The following CMTM8 variants were observed in gnomAD, a reference collection of about 807,000 sequenced individuals.
The protein encoded by CMTM8 is CKLF-like MARVEL transmembrane domain-containing protein 8.
A neutral mutation model predicts 18.6 loss-of-function variants in CMTM8; 12 were observed. The ratio of observed to expected loss-of-function variants is 0.65; its 90% CI spans 0.41 to 1.05. CMTM8 has a LOEUF of 1.05. Among genes scored for constraint, CMTM8 ranks in the 50% least tolerant of loss-of-function variants. The pLI, the probability that CMTM8 is intolerant of heterozygous loss-of-function variation, is 0.00. For missense variants in CMTM8, 217 were observed against 227.2 expected (o/e 0.95, Z 0.29); for synonymous variants, 87 against 90.6 (o/e 0.96, Z 0.23).
At chr3:32,324,336 A>C (rs974212862) in intron 1 of CMTM8, among the ~76,000 whole-genome samples, 2 of 152,316 alleles carry the variant, frequency 1.3e-5, no homozygotes, top group East Asian at 1.9e-4. Flanking sequence ...CCATCCAAAA[A>C]TGCTTTCAAG....
In CMTM8 at chr3:32,331,404, C is replaced by T. The variant is rs1027163235; in HGVS notation, c.148-25969C>T. ...GATGAGGCCGCTCTGGAAAACAGTA[C>T]GGGGGGTCCTCAAAAAATTAAAAAT... On this transcript the variant is annotated intron_variant, in intron 1 of 3. Transcript: ENST00000307526. 6.6e-5 allele frequency among the ~76,000 whole-genome samples: 10 copies of T among 152,114 alleles called. No homozygotes were observed. The South Asian group carries it at 8.3e-4, about 13-fold the overall frequency.
intron 1 of CMTM8, among the ~76,000 whole-genome samples, chr3:32,252,842 G>A (rs953181376): frequency 3.3e-5 from 5 of 152,120 alleles, no homozygotes; most frequent in African/African-American, 1.2e-4. Context: ...AGATATCCTT[G>A]GCTTGCTCAT....
chr3:32,364,518 A>G lies in CMTM8; in HGVS notation c.322-3354A>G, dbSNP rs187963570. ...ATTCTGTCTCAAAAGAAAAAAAAAG[A>G]CAGAAAAGAAATGGACTCTGATGGA... On this transcript the variant is annotated intron_variant, in intron 2 of 3. Coordinates refer to ENST00000307526, the MANE Select transcript of CMTM8 (RefSeq NM_178868.5). 1.3e-3 allele frequency among the ~76,000 whole-genome samples: 200 copies of G among 152,168 alleles called. 3 individuals are homozygous for G. Among genetic ancestry groups the G allele is most frequent in the Middle Eastern group, 6.8e-3 (2 of 294 alleles).
In CMTM8 at chr3:32,259,689, A is replaced by G. The variant is rs1575148882; in HGVS notation, c.147+20570A>G. The G allele has an allele frequency of 4.4e-6, 5 of 1,149,198 alleles. No homozygotes were observed. The South Asian group carries it at 6.1e-5, about 14-fold the overall frequency. The allele number at this position is 1,149,198 out of a possible 1,614,324, so 71.2% of individuals were successfully genotyped here. A position where few individuals can be genotyped will look rare whatever the true frequency, so the allele number is the denominator to read the frequency against. On this transcript the variant is annotated intron_variant, in intron 1 of 3. Coordinates refer to ENST00000307526, the MANE Select transcript of CMTM8 (RefSeq NM_178868.5). Reference sequence around the variant, plus strand: ...CAGGACCTTGCCAAGATCATGGCAGACATCCAGGCCCAATATGACGAGCTG... The same window carrying G: ...CAGGACCTTGCCAAGATCATGGCAGGCATCCAGGCCCAATATGACGAGCTG...
intron 1 of CMTM8, among the ~76,000 whole-genome samples, chr3:32,328,312 G>A (rs910945695): frequency 3.4e-5 from 5 of 148,244 alleles, no homozygotes; most frequent in Admixed American, 2.0e-4. Flanking sequence ...AGGAGGTGGA[G>A]TGAGCTGAGA....
chr3:32,297,743 A>C (rs1421907338), intron 1 of CMTM8, among the ~76,000 whole-genome samples: 3 of 151,884 alleles, frequency 2.0e-5, no homozygotes, highest in African/African-American at 7.3e-5. Flanking sequence ...GTTAATTACC[A>C]GCTTGTGGAA....
intron 1 of CMTM8, among the ~76,000 whole-genome samples, chr3:32,268,903 G>A (rs962436467): frequency 3.9e-5 from 6 of 152,094 alleles, no homozygotes; most frequent in Non-Finnish European, 5.9e-5. Flanking sequence ...AACAGGTGCC[G>A]CTTTCTGGGG....
chr3:32,344,422 C>T (rs867606350), intron 1 of CMTM8, among the ~76,000 whole-genome samples: 1 of 152,166 alleles, frequency 6.6e-6, no homozygotes, highest in Non-Finnish European at 1.5e-5. Context: ...GTAGCATTTC[C>T]TGCCCCACCA....
chr3:32,323,897 C>T (rs879866662), intron 1 of CMTM8, among the ~76,000 whole-genome samples: 1 of 152,174 alleles, frequency 6.6e-6, no homozygotes, highest in African/African-American at 2.4e-5. Context: ...GCTAGGGACT[C>T]GAAGGATGTT....
At chr3:32,338,083 A>G (rs1230328151) in intron 1 of CMTM8, among the ~76,000 whole-genome samples, 2 of 151,302 alleles carry the variant, frequency 1.3e-5, no homozygotes, top group Non-Finnish European at 2.9e-5. Flanking sequence ...TCCCAGGTTC[A>G]AATAATTCTC....
At position 32,238,896 on chromosome 3, in the gene CMTM8, C is replaced by T; in HGVS notation, c.-77C>T. 2 of 1,365,458 alleles carry T rather than the reference C, an allele frequency of 1.5e-6. No individual in the cohort carries two copies. Among genetic ancestry groups the T allele is most frequent in the South Asian group, 1.7e-5 (1 of 60,604 alleles). 84.6% of individuals were successfully genotyped at this position (1,365,458 alleles called of 1,614,324 possible). ...CTCCCCTCCCCCGCGCCTGTGTCCC[C>T]AGGGCGCAGGGCCGCGCGTCCAGCC... is the stretch of plus-strand genomic sequence containing the variant. On this transcript the variant is annotated 5_prime_UTR_variant, in exon 1 of 4. Coordinates refer to ENST00000307526, the MANE Select transcript of CMTM8 (RefSeq NM_178868.5).
chr3:32,265,649 A>T (rs1559365136), intron 1 of CMTM8, among the ~76,000 whole-genome samples: 1 of 152,192 alleles, frequency 6.6e-6, no homozygotes. Flanking sequence ...CCTTCAAAAA[A>T]TCAATGAATC....
chr3:32,259,690 C>T, intron 1 of CMTM8: 1 of 1,136,908 alleles, frequency 8.8e-7, no homozygotes, highest in Non-Finnish European at 1.3e-6. Flanking sequence ...TCATGGCAGA[C>T]ATCCAGGCCC....
chr3:32,265,246 A>T (rs2125539773), intron 1 of CMTM8, among the ~76,000 whole-genome samples: 1 of 152,342 alleles, frequency 6.6e-6, no homozygotes, highest in South Asian at 2.1e-4. Context: ...AAATTATAAC[A>T]AACTGTCTCT....
chr3:32,299,879 T>G (rs543745518), intron 1 of CMTM8, among the ~76,000 whole-genome samples: 84 of 152,324 alleles, frequency 5.5e-4, no homozygotes, highest in Admixed American at 2.0e-3. Context: ...AAATATGTAC[T>G]GTCTGTAGCT....
Position 32,370,162 on chromosome 3 carries a change from A to G in CMTM8, c.*195A>G, listed in dbSNP as rs949826024. ...TGCAAAGTGTTGTAGCTTATAATGA[A>G]CTCTTAAGTATCTTATTAATGTATT... On this transcript the variant is annotated 3_prime_UTR_variant, in exon 4 of 4. Coordinates refer to ENST00000307526, the MANE Select transcript of CMTM8 (RefSeq NM_178868.5). The G allele has an allele frequency of 6.1e-6, 2 of 327,346 alleles. No individual in the cohort carries two copies. The highest frequency in any genetic ancestry group is 1.1e-5 in the Non-Finnish European group (2 of 176,614). 20.3% of individuals were successfully genotyped at this position (327,346 alleles called of 1,614,324 possible). A position where few individuals can be genotyped will look rare whatever the true frequency, so the allele number is the denominator to read the frequency against.
At chr3:32,366,040 C>T (rs1388755279) in intron 2 of CMTM8, among the ~76,000 whole-genome samples, 1 of 152,082 alleles carries the variant, frequency 6.6e-6, no homozygotes, top group African/African-American at 2.4e-5. Context: ...CACTTATTTT[C>T]ACTACATTTC....
intron 1 of CMTM8, among the ~76,000 whole-genome samples, chr3:32,246,786 G>C (rs1454468960): frequency 6.6e-6 from 1 of 152,210 alleles, no homozygotes; most frequent in South Asian, 2.1e-4. Flanking sequence ...ATTGATAAGA[G>C]GGTATATGAA....
At chr3:32,261,524 G>C (rs1457897561) in intron 1 of CMTM8, among the ~76,000 whole-genome samples, 2 of 152,116 alleles carry the variant, frequency 1.3e-5, no homozygotes, top group African/African-American at 4.8e-5. Context: ...TCTAAAATTT[G>C]ACAGGAAAAT....
Sources: gnomAD v4.1 joint callset for allele counts (sites outside exome capture counted in the v4.1 genomes callset) on GRCh38, gnomAD v4.1.1 for gene constraint, MANE v1.5 for transcripts, NCBI Gene and HGNC (gene_info 2026-07-23, HGNC 2026-07-21) for gene names.